Variants in MRTFB observed in about 807,000 individuals in gnomAD.
MRTFB encodes the protein myocardin-related transcription factor B.
MRTFB carries 29 observed loss-of-function variants against 104.2 expected under a neutral mutation model. The observed-to-expected ratio is 0.28, with a 90% CI of 0.21 to 0.38. The LOEUF is 0.38. Among genes scored for constraint, MRTFB ranks in the 10% least tolerant of loss-of-function variants. MRTFB has a pLI of 1.00. For missense variants in MRTFB, 1,270 were observed against 1,341.6 expected, an observed-to-expected ratio of 0.95 and a Z score of 0.83; for synonymous variants, 535 against 519.5, an observed-to-expected ratio of 1.03 and a Z score of -0.41.
chr16:14,189,393 C>T (rs2040078441), intron 3 of MRTFB, among the ~76,000 whole-genome samples: 1 of 152,138 alleles, frequency 6.6e-6, no homozygotes, highest in Non-Finnish European at 1.5e-5. Flanking sequence ...TTGGGTCCTG[C>T]ATCGTTTACA....
chr16:14,212,229 A>C, intron 4 of MRTFB, 125 bp from the exon 5 acceptor site: 1 of 868,922 alleles, frequency 1.2e-6, no homozygotes, highest in Non-Finnish European at 1.8e-6. Flanking sequence ...TCCTAATGGA[A>C]CTGGTAAATT....
chr16:14,225,003 A>C (rs993071548), intron 8 of MRTFB, among the ~76,000 whole-genome samples: 14 of 152,178 alleles, frequency 9.2e-5, no homozygotes, highest in Non-Finnish European at 1.6e-4. Flanking sequence ...CCTGACCAAC[A>C]TGGAGAAACC....
intron 8 of MRTFB, among the ~76,000 whole-genome samples, chr16:14,222,884 A>C (rs1018627726): frequency 6.6e-6 from 1 of 152,130 alleles, no homozygotes; most frequent in Non-Finnish European, 1.5e-5. Flanking sequence ...AATTTTCAAC[A>C]AAAGATACAA....
intron 2 of MRTFB, among the ~76,000 whole-genome samples, chr16:14,090,879 G>GGTGT (rs55685117): frequency 0.057 from 8,044 of 141,698 alleles, 389 homozygotes; most frequent in African/African-American, 0.13. Context: ...AGTTCAGCAT[G>GGTGT]GTGTGTGTGT....
chr16:14,234,304 C>T, intron 9 of MRTFB, 21 bp downstream of exon 9: 1 of 1,610,454 alleles, frequency 6.2e-7, no homozygotes, highest in East Asian at 2.2e-5. Context: ...TGGATACACC[C>T]TGGGTTTGGT....
chr16:14,018,662 C>A, the MRTFB span, among the ~76,000 whole-genome samples: 1 of 152,172 alleles, frequency 6.6e-6, no homozygotes, highest in East Asian at 1.9e-4. Context: ...GGAAAATTCT[C>A]CGGTTCACCA....
chr16:14,100,788 G>A (rs2035653540), intron 2 of MRTFB, among the ~76,000 whole-genome samples: 1 of 152,148 alleles, frequency 6.6e-6, no homozygotes, highest in African/African-American at 2.4e-5. Flanking sequence ...ATTTCTTCTT[G>A]AGTGAGTTTA....
At chr16:14,054,505 C>A in the MRTFB span, among the ~76,000 whole-genome samples, 3 of 152,244 alleles carry the variant, frequency 2.0e-5, no homozygotes, top group Non-Finnish European at 2.9e-5. Flanking sequence ...GCATGAGCCA[C>A]CATGACCGGC....
chr16:14,140,747 C>G lies in MRTFB; in HGVS notation c.141C>G (p.Asn47Lys). ...CCAGTCAAAACTTACCCCCTCTGAA[C>G]GAAAGGAAAAATGGTGAGTTCAGCA... ...LQSSQNLPPL[N>K]ERKNVLQLRL... Residue 47 changes from asparagine to lysine, a missense_variant, in exon 3 of 17, where the codon AAC becomes AAG. Physicochemically the swap from Asn to Lys is moderately conservative, Grantham distance 94 (BLOSUM62 0). Transcript: ENST00000571589. 1 of 1,613,970 alleles carries G rather than the reference C, an allele frequency of 6.2e-7. No homozygotes were observed. Among genetic ancestry groups the G allele is most frequent in the South Asian group, 1.1e-5 (1 of 91,078 alleles).
upstream of MRTFB, among the ~76,000 whole-genome samples, chr16:14,068,336 T>A (rs1382573110): frequency 1.3e-5 from 2 of 152,184 alleles, no homozygotes; most frequent in Admixed American, 1.3e-4. Context: ...CTCATGTTCT[T>A]ATGTTAGATG....
At chr16:14,257,741 A>G (rs1429240643) in intron 15 of MRTFB, among the ~76,000 whole-genome samples, 2 of 152,218 alleles carry the variant, frequency 1.3e-5, no homozygotes, top group Non-Finnish European at 2.9e-5. Context: ...ATCTCAATAG[A>G]ACTGAACAAA....
chr16:14,201,496 T>G (rs2040702529), intron 3 of MRTFB, among the ~76,000 whole-genome samples: 1 of 152,228 alleles, frequency 6.6e-6, no homozygotes, highest in South Asian at 2.1e-4. Flanking sequence ...GGGAAATTTC[T>G]TAGATGTTTG....
At chr16:14,064,486 G>A in the MRTFB span, among the ~76,000 whole-genome samples, 1 of 152,074 alleles carries the variant, frequency 6.6e-6, no homozygotes, top group Non-Finnish European at 1.5e-5. Context: ...GGTCCCATTT[G>A]TTGATTTTTA....
intron 3 of MRTFB, among the ~76,000 whole-genome samples, chr16:14,161,765 A>C (rs1311753240): frequency 6.6e-6 from 1 of 152,196 alleles, no homozygotes; most frequent in East Asian, 1.9e-4. Flanking sequence ...GCTTTCACAG[A>C]TACAGATACT....
chr16:14,178,174 C>T (rs1339283291), intron 3 of MRTFB, among the ~76,000 whole-genome samples: 1 of 152,008 alleles, frequency 6.6e-6, no homozygotes, highest in African/African-American at 2.4e-5. Context: ...TGTCTGGATT[C>T]CCTATGGCAA....
At chr16:14,219,630 G>A (rs1488596280) in intron 8 of MRTFB, among the ~76,000 whole-genome samples, 2 of 152,168 alleles carry the variant, frequency 1.3e-5, no homozygotes, top group African/African-American at 2.4e-5. Context: ...AGGCAGTCTG[G>A]GTTCACAGAA....
At chr16:14,103,808 A>T (rs770144725) in intron 2 of MRTFB, among the ~76,000 whole-genome samples, 5 of 152,252 alleles carry the variant, frequency 3.3e-5, no homozygotes, top group African/African-American at 4.8e-5. Flanking sequence ...AATAGAAATT[A>T]TTGAAATTGA....
chr16:14,116,880 A>G (rs188630800), intron 2 of MRTFB, among the ~76,000 whole-genome samples: 112 of 152,262 alleles, frequency 7.4e-4, no homozygotes, highest in South Asian at 3.1e-3. Context: ...GGAAGGGGCT[A>G]TGCTTAAGGG....
chr16:14,207,159 T>C (rs1438985496), intron 3 of MRTFB, among the ~76,000 whole-genome samples: 1 of 152,204 alleles, frequency 6.6e-6, no homozygotes, highest in South Asian at 2.1e-4. Flanking sequence ...TGGCCACAGC[T>C]GCTTTGAATA....
Sources: allele counts gnomAD v4.1 joint callset (sites outside exome capture counted in the v4.1 genomes callset), GRCh38; gene constraint gnomAD v4.1.1; transcripts MANE v1.5; gene names NCBI Gene and HGNC (gene_info 2026-07-23, HGNC 2026-07-21).